The following ARHGAP24 variants were observed in gnomAD, a reference collection of about 807,000 sequenced individuals.
ARHGAP24 encodes the protein rho GTPase-activating protein 24.
In ARHGAP24, 50 loss-of-function variants were observed where a neutral mutation model predicts 76.4. The ratio of observed to expected loss-of-function variants is 0.65; its 90% confidence interval spans 0.52 to 0.83. The LOEUF (loss-of-function observed/expected upper bound fraction) is 0.83. Ranked by LOEUF, ARHGAP24 falls within the 40% of genes least tolerant of loss-of-function variation. ARHGAP24 has a pLI of 0.00. For missense variants in ARHGAP24, 930 were observed against 914.2 expected, an observed-to-expected ratio of 1.02 and a Z score of -0.22; for synonymous variants, 345 against 323.3, an observed-to-expected ratio of 1.07 and a Z score of -0.72.
chr4:85,806,973 T>G (rs1728816818), intron 3 of ARHGAP24, among the ~76,000 whole-genome samples: 1 of 152,218 alleles, frequency 6.6e-6, no homozygotes, highest in African/African-American at 2.4e-5. Context: ...AAAATAATTT[T>G]ATTTACCTTT....
At chr4:85,781,394 A>C (rs1727547947) in intron 3 of ARHGAP24, among the ~76,000 whole-genome samples, 2 of 151,958 alleles carry the variant, frequency 1.3e-5, no homozygotes, top group South Asian at 4.1e-4. Flanking sequence ...TATTAATCTC[A>C]CTCTACAAAA....
At chr4:85,917,635 G>A (rs1387967433) in intron 3 of ARHGAP24, among the ~76,000 whole-genome samples, 3 of 152,060 alleles carry the variant, frequency 2.0e-5, no homozygotes, top group Non-Finnish European at 4.4e-5. Flanking sequence ...TCTCACTGTG[G>A]TTTTGATTTG....
intron 3 of ARHGAP24, among the ~76,000 whole-genome samples, chr4:85,882,522 A>G (rs769504163): frequency 3.3e-5 from 5 of 152,152 alleles, no homozygotes; most frequent in Non-Finnish European, 7.3e-5. Flanking sequence ...CCAGTTCATT[A>G]AACCCTTTTT....
intron 2 of ARHGAP24, among the ~76,000 whole-genome samples, chr4:85,670,910 A>G (rs1020410706): frequency 2.0e-5 from 3 of 152,298 alleles, no homozygotes; most frequent in Admixed American, 1.3e-4. Context: ...GAAAATGTAC[A>G]TAAAAGTCTT....
At chr4:85,984,386 C>A (rs1275223489) in intron 8 of ARHGAP24, among the ~76,000 whole-genome samples, 2 of 152,136 alleles carry the variant, frequency 1.3e-5, no homozygotes, top group South Asian at 2.1e-4. Flanking sequence ...CTGGTGAGGA[C>A]CCATTTCCTG....
At chr4:85,661,188 G>A (rs1722370758) in intron 2 of ARHGAP24, among the ~76,000 whole-genome samples, 1 of 152,160 alleles carries the variant, frequency 6.6e-6, no homozygotes, top group Non-Finnish European at 1.5e-5. Context: ...AGTGGTTACT[G>A]TCAGAAACAC....
At chr4:85,734,080 C>T (rs557891475) in intron 3 of ARHGAP24, among the ~76,000 whole-genome samples, 1 of 152,250 alleles carries the variant, frequency 6.6e-6, no homozygotes, top group Non-Finnish European at 1.5e-5. Context: ...ATATGTTCAC[C>T]ACACTATAAT....
intron 1 of ARHGAP24, among the ~76,000 whole-genome samples, chr4:85,488,665 TG>T (rs1313098360): frequency 6.6e-6 from 1 of 152,150 alleles, no homozygotes; most frequent in East Asian, 1.9e-4. Context: ...CTTTCTCACC[TG>T]GGGTTCCTTG....
intron 2 of ARHGAP24, among the ~76,000 whole-genome samples, chr4:85,656,796 A>T (rs201380974): frequency 1.7e-5 from 1 of 58,602 alleles, no homozygotes; most frequent in Non-Finnish European, 2.9e-5. Context: ...AATCAGCTTT[A>T]AAAAAAAAAT....
intron 3 of ARHGAP24, among the ~76,000 whole-genome samples, chr4:85,899,230 G>T (rs1170445388): frequency 6.6e-6 from 1 of 152,132 alleles, no homozygotes; most frequent in Admixed American, 6.5e-5. Context: ...GGAATAAAAG[G>T]ATCTACATTA....
At chr4:85,688,266 C>A (rs1444927403) in intron 2 of ARHGAP24, among the ~76,000 whole-genome samples, 1 of 152,184 alleles carries the variant, frequency 6.6e-6, no homozygotes, top group East Asian at 1.9e-4. Context: ...AATAGCCATT[C>A]TGACTGGTGT....
At chr4:85,494,298 G>A (rs1308448844) in intron 1 of ARHGAP24, among the ~76,000 whole-genome samples, 1 of 151,860 alleles carries the variant, frequency 6.6e-6, no homozygotes, top group East Asian at 1.9e-4. Flanking sequence ...CCCCAACATC[G>A]TGTGTGTGGT....
intron 3 of ARHGAP24, among the ~76,000 whole-genome samples, chr4:85,786,058 A>G (rs1578226765): frequency 6.6e-6 from 1 of 151,954 alleles, no homozygotes; most frequent in African/African-American, 2.4e-5. Flanking sequence ...TCCTTAATTA[A>G]CTAATTACTT....
chr4:85,706,800 G>A lies in ARHGAP24; in HGVS notation c.181-15085G>A, dbSNP rs572295737. On this transcript the variant is annotated intron_variant, in intron 2 of 9. Transcript: ENST00000395184. ...AGGCTGGTCTCAAACTCCTGACCTC[G>A]TGATCCGCCCGCCTCGGCCTCCCAA... 2.2e-4 allele frequency among the ~76,000 whole-genome samples: 33 copies of A among 152,120 alleles called. 1 individual carries two copies. The highest frequency in any genetic ancestry group is 6.3e-4 in the African/African-American group (26 of 41,530).
At chr4:85,768,225 T>G (rs1726999805) in intron 3 of ARHGAP24, among the ~76,000 whole-genome samples, 1 of 152,198 alleles carries the variant, frequency 6.6e-6, no homozygotes. Context: ...TTGATTTATT[T>G]TTTTATTCAA....
intron 1 of ARHGAP24, among the ~76,000 whole-genome samples, chr4:85,496,272 C>A (rs545085315): frequency 6.6e-6 from 1 of 152,290 alleles, no homozygotes; most frequent in South Asian, 2.1e-4. Flanking sequence ...CTTTTCCTGC[C>A]GAAATCTGGG....
chr4:85,594,213 T>C (rs1728225296), intron 2 of ARHGAP24, among the ~76,000 whole-genome samples: 1 of 152,082 alleles, frequency 6.6e-6, no homozygotes, highest in Non-Finnish European at 1.5e-5. Context: ...TTTATAACTA[T>C]TGTAAATAGG....
intron 2 of ARHGAP24, among the ~76,000 whole-genome samples, chr4:85,655,766 CATATATATATATATAT>C (rs370571889): frequency 2.9e-5 from 2 of 69,058 alleles, no homozygotes; most frequent in African/African-American, 2.0e-4. Context: ...AGTGAGACTC[CATATATATATATATAT>C]ATATATATAT....
At chr4:85,734,353 G>T (rs1171417719) in intron 3 of ARHGAP24, among the ~76,000 whole-genome samples, 1 of 139,136 alleles carries the variant, frequency 7.2e-6, no homozygotes, top group Admixed American at 7.3e-5. Context: ...TGTTGTTATT[G>T]TCTTTATTTG....
Sources: gnomAD v4.1 joint callset for allele counts (sites outside exome capture counted in the v4.1 genomes callset) on GRCh38, gnomAD v4.1.1 for gene constraint, MANE v1.5 for transcripts, NCBI Gene and HGNC (gene_info 2026-07-23, HGNC 2026-07-21) for gene names.